The following HIVEP3 variants were observed in gnomAD, a reference collection of about 807,000 sequenced individuals.
HIVEP3 encodes transcription factor HIVEP3.
A neutral mutation model predicts 152.8 loss-of-function variants in HIVEP3; 49 were observed. The observed-to-expected ratio is 0.32, with a 90% CI of 0.26 to 0.41. HIVEP3 has a LOEUF of 0.41. Ranked by LOEUF, HIVEP3 falls within the 10% of genes least tolerant of loss-of-function variation. HIVEP3 has a pLI of 1.00. For synonymous variants in HIVEP3, 1,269 were observed against 1,289.0 expected (o/e 0.98, Z 0.33); for missense variants, 2,790 against 3,103.3 (o/e 0.90, Z 2.40).
At chr1:41,545,199 ACCACCACTATCGCCACCACCACCATCG>A (rs1643720854) in intron 5 of HIVEP3, among the ~76,000 whole-genome samples, 1 of 138,984 alleles carries the variant, frequency 7.2e-6, no homozygotes, top group African/African-American at 2.8e-5. Flanking sequence ...CAACACCACC[ACCACCACTATCGCCACCACCACCATCG>A]CTACCATCAC....
intron 1 of HIVEP3, among the ~76,000 whole-genome samples, chr1:41,742,197 C>T (rs766127794): frequency 2.0e-5 from 3 of 152,084 alleles, no homozygotes; most frequent in Non-Finnish European, 4.4e-5. Flanking sequence ...CATCCATACG[C>T]TCATCTTTTC....
intron 1 of HIVEP3, among the ~76,000 whole-genome samples, chr1:41,716,380 G>C (rs1646593825): frequency 6.6e-6 from 1 of 152,168 alleles, no homozygotes; most frequent in African/African-American, 2.4e-5. Context: ...AGGATGGAGA[G>C]AGTTTGCTGC....
chr1:41,611,115 T>C (rs183209796), intron 3 of HIVEP3, among the ~76,000 whole-genome samples: 1 of 152,330 alleles, frequency 6.6e-6, no homozygotes, highest in Admixed American at 6.5e-5. Context: ...TACTAGTGTA[T>C]GTTACACTCC....
chr1:41,573,465 G>T (rs986656390), intron 5 of HIVEP3, among the ~76,000 whole-genome samples: 3 of 152,206 alleles, frequency 2.0e-5, no homozygotes, highest in African/African-American at 7.2e-5. Flanking sequence ...TAGCCAGGCT[G>T]GGGGAGGAAA....
intron 7 of HIVEP3, among the ~76,000 whole-genome samples, chr1:41,514,588 C>T (rs1642548162): frequency 6.6e-6 from 1 of 152,234 alleles, no homozygotes; most frequent in Non-Finnish European, 1.5e-5. Context: ...TCTGAGGAGC[C>T]ACTGCCCTTT....
intron 1 of HIVEP3, among the ~76,000 whole-genome samples, chr1:41,820,272 A>G (rs1038465960): frequency 1.4e-4 from 21 of 152,190 alleles, no homozygotes; most frequent in African/African-American, 4.6e-4. Flanking sequence ...GTTATTAGGT[A>G]CAAACAAGGT....
rs952259802 is a variant in HIVEP3, at chr1:41,509,209, C to T, written c.*1242G>A. The T allele has an allele frequency of 3.9e-5, 6 of 152,152 alleles. No individual in the cohort carries two copies. Among genetic ancestry groups the T allele is most frequent in the African/African-American group, 1.2e-4 (5 of 41,416 alleles). The allele number at this position is 152,152 out of a possible 1,614,324, so 9.4% of individuals were successfully genotyped here. Reference sequence around the variant, plus strand: ...TGGTGGCTGGGTGAAGTATCAAACACCATCCTCTCTCTTTTTAAAAAAGAG... The same window carrying T: ...TGGTGGCTGGGTGAAGTATCAAACATCATCCTCTCTCTTTTTAAAAAAGAG... On this transcript the variant is annotated 3_prime_UTR_variant, in exon 9 of 9. Transcript: ENST00000372583.
intron 1 of HIVEP3, among the ~76,000 whole-genome samples, chr1:41,845,511 A>G (rs1303540625): frequency 6.6e-6 from 1 of 151,672 alleles, no homozygotes; most frequent in Non-Finnish European, 1.5e-5. Context: ...GCCTGCCACT[A>G]GGAACAACAG....
At chr1:41,841,241 T>G (rs1461823642) in intron 1 of HIVEP3, among the ~76,000 whole-genome samples, 2 of 152,154 alleles carry the variant, frequency 1.3e-5, no homozygotes, top group African/African-American at 4.8e-5. Flanking sequence ...GGCTTGATTT[T>G]TAAACACACC....
intron 1 of HIVEP3, among the ~76,000 whole-genome samples, chr1:41,894,048 G>A (rs1644492289): frequency 6.6e-6 from 1 of 151,770 alleles, no homozygotes; most frequent in African/African-American, 2.4e-5. Context: ...AACCTCCTGA[G>A]TAGCTAGGAT....
At chr1:41,835,600 C>G (rs143652353) in intron 1 of HIVEP3, among the ~76,000 whole-genome samples, 2,488 of 152,348 alleles carry the variant, frequency 0.016, 37 homozygotes, top group Non-Finnish European at 0.021. Flanking sequence ...AAAATCTGCT[C>G]TTCCATGGTT....
intron 2 of HIVEP3, among the ~76,000 whole-genome samples, chr1:41,679,639 T>A (rs1255019024): frequency 1.3e-5 from 2 of 152,220 alleles, no homozygotes; most frequent in African/African-American, 4.8e-5. Flanking sequence ...TGGCACCATG[T>A]AGACCAGCAG....
chr1:41,736,609 T>C (rs1646923011), intron 1 of HIVEP3, among the ~76,000 whole-genome samples: 1 of 152,224 alleles, frequency 6.6e-6, no homozygotes, highest in Non-Finnish European at 1.5e-5. Context: ...ATGCCCCAGA[T>C]GCAGGATGAG....
chr1:41,901,636 A>C (rs1484563202), intron 1 of HIVEP3, among the ~76,000 whole-genome samples: 1 of 152,206 alleles, frequency 6.6e-6, no homozygotes, highest in Non-Finnish European at 1.5e-5. Flanking sequence ...TCAGAGGGCA[A>C]GAAAGACAAA....
chr1:41,880,248 C>T (rs1644240371), intron 1 of HIVEP3, among the ~76,000 whole-genome samples: 1 of 151,978 alleles, frequency 6.6e-6, no homozygotes, highest in South Asian at 2.1e-4. Context: ...CCTATGTTGC[C>T]CAGGCTGGTC....
chr1:41,726,687 A>C (rs964126316), intron 1 of HIVEP3, among the ~76,000 whole-genome samples: 3 of 152,208 alleles, frequency 2.0e-5, no homozygotes, highest in African/African-American at 7.2e-5. Context: ...CAATACTGAG[A>C]CATCTAGAAC....
chr1:41,527,606 T>A (rs2149057119), intron 5 of HIVEP3, among the ~76,000 whole-genome samples: 1 of 111,244 alleles, frequency 9.0e-6, no homozygotes, highest in East Asian at 3.1e-4. Context: ...ATTCGCATAC[T>A]CTACTCCCCA....
intron 5 of HIVEP3, among the ~76,000 whole-genome samples, chr1:41,544,831 TCACCAC>T (rs1483052808): frequency 3.9e-4 from 4 of 10,158 alleles, no homozygotes; most frequent in East Asian, 3.7e-3. Context: ...ACCACCACCA[TCACCAC>T]CACCACTACC....
At chr1:41,555,683 A>T (rs1037103039) in intron 5 of HIVEP3, among the ~76,000 whole-genome samples, 1 of 152,182 alleles carries the variant, frequency 6.6e-6, no homozygotes, top group Admixed American at 6.5e-5. Flanking sequence ...GTACATTCAC[A>T]TTGTTGTGCA....
Sources: gnomAD v4.1 joint callset for allele counts (sites outside exome capture counted in the v4.1 genomes callset) on GRCh38, gnomAD v4.1.1 for gene constraint, MANE v1.5 for transcripts, NCBI Gene and HGNC (gene_info 2026-07-23, HGNC 2026-07-21) for gene names.